Variants in EPHA6 observed in about 807,000 individuals in gnomAD.
The protein encoded by EPHA6 is EPH receptor A6.
EPHA6 carries 50 observed loss-of-function variants against 112.0 expected under a neutral mutation model. That is an observed-to-expected ratio of 0.45 (90% confidence interval 0.36 to 0.56). The LOEUF (loss-of-function observed/expected upper bound fraction) is 0.56. Among genes scored for constraint, EPHA6 ranks in the 20% least tolerant of loss-of-function variants. EPHA6 has a pLI of 0.00. For missense variants in EPHA6, 1,280 were observed against 1,417.4 expected (o/e 0.90, Z 1.56); for synonymous variants, 529 against 490.7 (o/e 1.08, Z -1.03).
chr3:96,823,503 ATCTCT>A (rs2033428498), intron 1 of EPHA6, among the ~76,000 whole-genome samples: 1 of 149,346 alleles, frequency 6.7e-6, no homozygotes, highest in African/African-American at 2.5e-5. Context: ...AATATTAAAA[ATCTCT>A]TCTTTTCTTT....
At chr3:97,321,564 A>G (rs2082120996) in intron 5 of EPHA6, among the ~76,000 whole-genome samples, 1 of 151,858 alleles carries the variant, frequency 6.6e-6, no homozygotes, top group African/African-American at 2.4e-5. Context: ...TACCCTTACT[A>G]CCTTGGGAGA....
At chr3:97,588,207 ACCC>A (rs143689233) in intron 11 of EPHA6, among the ~76,000 whole-genome samples, 35 of 152,090 alleles carry the variant, frequency 2.3e-4, no homozygotes, top group African/African-American at 8.0e-4. Context: ...CTGTTGGTAT[ACCC>A]CCCTGCCCAA....
rs796949057 is a variant in EPHA6 at position 97,754,992 on chromosome 3, C to A, written c.*6291C>A. Among the ~76,000 whole-genome samples, 1 of 152,164 alleles carries A rather than the reference C, an allele frequency of 6.6e-6. No homozygotes were observed. The highest frequency in any genetic ancestry group is 2.4e-5 in the African/African-American group (1 of 41,438). On this transcript the variant is annotated 3_prime_UTR_variant, in exon 18 of 18. Coordinates refer to ENST00000389672, the MANE Select transcript of EPHA6 (RefSeq NM_001080448.3). ...TGGTGGGATTACAGGCGTGAGCCAC[C>A]GCGCCCGGCCACAAAGTTTTCTTTT...
intron 5 of EPHA6, among the ~76,000 whole-genome samples, chr3:97,403,603 T>C (rs2087134333): frequency 2.0e-5 from 3 of 152,104 alleles, no homozygotes; most frequent in Non-Finnish European, 4.4e-5. Flanking sequence ...CCTGCCACCA[T>C]GCCTGGCTAA....
chr3:96,900,884 C>G (rs1481935222), intron 2 of EPHA6, among the ~76,000 whole-genome samples: 4 of 152,150 alleles, frequency 2.6e-5, no homozygotes, highest in Non-Finnish European at 5.9e-5. Context: ...TATGCAAAAC[C>G]TACAGTGTTT....
intron 2 of EPHA6, among the ~76,000 whole-genome samples, chr3:96,905,522 T>C (rs2038885951): frequency 6.6e-6 from 1 of 152,006 alleles, no homozygotes; most frequent in Non-Finnish European, 1.5e-5. Context: ...ACAATTGATA[T>C]GAAATTAAGC....
At chr3:97,384,715 T>C (rs1388709994) in intron 5 of EPHA6, among the ~76,000 whole-genome samples, 1 of 152,196 alleles carries the variant, frequency 6.6e-6, no homozygotes, top group Admixed American at 6.5e-5. Flanking sequence ...TTTTTTATTT[T>C]AGATAACATG....
chr3:97,256,300 C>T (rs1480121428), intron 5 of EPHA6, among the ~76,000 whole-genome samples: 1 of 151,866 alleles, frequency 6.6e-6, no homozygotes, highest in Non-Finnish European at 1.5e-5. Flanking sequence ...ATGTATCTGC[C>T]TTCATGTGAC....
chr3:97,035,624 T>C (rs1290905883), intron 3 of EPHA6, among the ~76,000 whole-genome samples: 3 of 151,936 alleles, frequency 2.0e-5, no homozygotes, highest in African/African-American at 7.2e-5. Flanking sequence ...TGTAGCGTAC[T>C]CCATATTTGA....
chr3:97,509,248 T>C (rs2092320347), intron 10 of EPHA6, among the ~76,000 whole-genome samples: 1 of 152,024 alleles, frequency 6.6e-6, no homozygotes, highest in Non-Finnish European at 1.5e-5. Flanking sequence ...CTGGTTATTT[T>C]GTCCATTAGT....
At chr3:97,230,091 A>C (rs2108552645) in intron 4 of EPHA6, among the ~76,000 whole-genome samples, 1 of 152,270 alleles carries the variant, frequency 6.6e-6, no homozygotes, top group African/African-American at 2.4e-5. Context: ...AAATAGTTAC[A>C]GACCTGTCAG....
chr3:96,913,130 A>C (rs2107607168), intron 2 of EPHA6, among the ~76,000 whole-genome samples: 1 of 149,602 alleles, frequency 6.7e-6, no homozygotes, highest in Middle Eastern at 3.4e-3. Context: ...GGAGTTCAAG[A>C]CCAGGCTGGG....
chr3:97,075,556 A>C (rs1219240409), intron 3 of EPHA6, among the ~76,000 whole-genome samples: 1 of 152,060 alleles, frequency 6.6e-6, no homozygotes. Context: ...TCATTATGAG[A>C]AACATAGTTT....
intron 7 of EPHA6, among the ~76,000 whole-genome samples, chr3:97,464,443 GA>G (rs2090989674): frequency 1.3e-5 from 2 of 152,164 alleles, no homozygotes; most frequent in Non-Finnish European, 2.9e-5. Flanking sequence ...AAAATATGGT[GA>G]AGCAATAGAG....
At chr3:97,702,425 C>A (rs1220276476) in intron 14 of EPHA6, among the ~76,000 whole-genome samples, 1 of 152,114 alleles carries the variant, frequency 6.6e-6, no homozygotes, top group Non-Finnish European at 1.5e-5. Flanking sequence ...AACTAAGCAC[C>A]TGGTCAAAAT....
chr3:97,371,576 C>T (rs1273514191), intron 5 of EPHA6, among the ~76,000 whole-genome samples: 6 of 151,982 alleles, frequency 3.9e-5, no homozygotes, highest in African/African-American at 9.7e-5. Flanking sequence ...GTGATGATTG[C>T]GTTAACTGCA....
chr3:97,544,182 G>C (rs2092910571), intron 11 of EPHA6, among the ~76,000 whole-genome samples: 1 of 152,142 alleles, frequency 6.6e-6, no homozygotes. Context: ...TTTTCAAAGG[G>C]AATGCTTCCA....
In EPHA6 at chr3:97,559,564, C is replaced by A. The variant is rs182244811; in HGVS notation, c.2386+27021C>A. On this transcript the variant is annotated intron_variant, in intron 11 of 17. Coordinates refer to ENST00000389672, the MANE Select transcript of EPHA6 (RefSeq NM_001080448.3). ...TTTCTACCAAACCTGTGTTGCCTAC[C>A]CTACTCACTTCTTTCTCATATTTCA... 1,233 of 452,638 alleles carry A rather than the reference C, an allele frequency of 2.7e-3. 7 individuals carry two copies. Among genetic ancestry groups the A allele is most frequent in the Middle Eastern group, 0.011 (32 of 3,038 alleles). 28.0% of individuals were successfully genotyped at this position (452,638 alleles called of 1,614,324 possible). A position where few individuals can be genotyped will look rare whatever the true frequency, so the allele number is the denominator to read the frequency against.
chr3:97,652,208 A>T (rs1265768156), intron 14 of EPHA6, among the ~76,000 whole-genome samples: 1 of 152,124 alleles, frequency 6.6e-6, no homozygotes, highest in Non-Finnish European at 1.5e-5. Context: ...CTTCAACAGT[A>T]AACAGCTAAG....
Sources: allele counts gnomAD v4.1 joint callset (sites outside exome capture counted in the v4.1 genomes callset), GRCh38; gene constraint gnomAD v4.1.1; transcripts MANE v1.5; gene names NCBI Gene and HGNC (gene_info 2026-07-23, HGNC 2026-07-21).